PNPLA7: variants seen among roughly 807,000 people sequenced by gnomAD.
PNPLA7 encodes the protein patatin like domain 7, lysophospholipase.
In PNPLA7, 153 loss-of-function variants were observed where a neutral mutation model predicts 161.7. That is an observed-to-expected ratio of 0.95 (90% CI 0.83 to 1.08). The LOEUF is 1.08. PNPLA7 is among the 50% of genes least tolerant of loss of function. The pLI is 0.00. For missense variants in PNPLA7, 1,739 were observed against 1,856.6 expected (o/e 0.94, Z 1.16); for synonymous variants, 809 against 782.1 (o/e 1.03, Z -0.57).
chr9:137,497,219 C>A lies in PNPLA7; in HGVS notation c.1981G>T (p.Gly661Trp), dbSNP rs757012971. 6 of 1,586,850 alleles carry A rather than the reference C, an allele frequency of 3.8e-6. No individual in the cohort carries two copies. In the African/African-American group the frequency reaches 4.1e-5, roughly 11 times the overall value. ...ACGAGGTCTCCTCGGCCGTACTCCCCGGCCAGGCGCTTCTTCCCATCATCC... is the reference window on the plus strand; with the variant it reads ...ACGAGGTCTCCTCGGCCGTACTCCCAGGCCAGGCGCTTCTTCCCATCATCC... ...RKDDGKKRLA[G>W]EYGRGDLVGV... The change falls in exon 18 of 35, where the codon GGG (glycine) becomes TGG (tryptophan). Residue 661 changes from glycine (G) to tryptophan (W), a missense_variant. Transcript: ENST00000406427.
chr9:137,519,992 C>A lies in PNPLA7; in HGVS notation c.1009G>T (p.Ala337Ser). Residue 337 changes from alanine (A) to serine (S), a missense_variant, in exon 11 of 35, where the codon GCC becomes TCC. This residue lies in a region of PNPLA7 where 152 missense variants were observed against 193.5 expected (regional missense o/e 0.79). Coordinates refer to ENST00000406427, the MANE Select transcript of PNPLA7 (RefSeq NM_001098537.3). ...TCGCCATAGAACACCTGCTTCTTGG[C>A]CTTCCCGGCAGCCACACTGGCTACA... ...VSVASVAAGK[A>S]KKQVFYGEEE... 6.2e-7 allele frequency: 1 copy of A among 1,612,808 alleles called. No homozygotes were observed. Among genetic ancestry groups the A allele is most frequent in the Non-Finnish European group, 8.5e-7 (1 of 1,179,900 alleles).
intron 8 of PNPLA7, among the ~76,000 whole-genome samples, chr9:137,525,613 C>T (rs1469834863): frequency 6.6e-6 from 1 of 152,066 alleles, no homozygotes; most frequent in Non-Finnish European, 1.5e-5. Context: ...TTAATACTTT[C>T]ACTAATTCTG....
intron 6 of PNPLA7, 27 bp from the exon 7 acceptor site, chr9:137,542,828 A>T (rs777563315): frequency 6.3e-7 from 1 of 1,594,516 alleles, no homozygotes; most frequent in East Asian, 2.3e-5. Flanking sequence ...GCACTGTGGG[A>T]CGCCCTTCCA....
Position 137,467,367 on chromosome 9 carries a change from C to T in PNPLA7, c.2989G>A (p.Glu997Lys). Residue 997 changes from glutamate (E) to lysine (K), a missense_variant, in exon 26 of 35, where the codon GAG becomes AAG. Glu to Lys is a moderately conservative substitution (Grantham distance 56). Coordinates refer to ENST00000406427, the MANE Select transcript of PNPLA7 (RefSeq NM_001098537.3). This position sits in a 1 kb window ranked among gnomAD's most constrained non-coding sequence, Gnocchi z 5.1. ...IGAFVGALYSEERNYSQMRIR... is the reference protein window; with the variant it reads ...IGAFVGALYSKERNYSQMRIR... The stretch of plus-strand genomic sequence containing the variant: ...CGCATCTGGCTGTAGTTCCGCTCCT[C>T]AGAGTACAGGGCACCCACGAAGGCC... 1 of 1,613,654 alleles carries T rather than the reference C, an allele frequency of 6.2e-7. No homozygotes were observed. Among genetic ancestry groups the T allele is most frequent in the Non-Finnish European group, 8.5e-7 (1 of 1,179,998 alleles).
Position 137,479,746 on chromosome 9 carries a change from C to A in PNPLA7, c.2581-508G>T, listed in dbSNP as rs532611668. ...CTGGGTGGCCATGAGCCCGAGGCCT[C>A]GCCTGCAGCAATGGCCAGGTGGAAG... is the stretch of plus-strand genomic sequence containing the variant. On this transcript the variant is annotated intron_variant, in intron 23 of 34. Transcript: ENST00000406427. 9.1e-5 allele frequency: 90 copies of A among 985,394 alleles called. No homozygotes were observed. The African/African-American group carries it at 1.5e-3, about 17-fold the overall frequency. The allele number at this position is 985,394 out of a possible 1,614,324, so 61.0% of individuals were successfully genotyped here. A position where few individuals can be genotyped will look rare whatever the true frequency, so the allele number is the denominator to read the frequency against.
Position 137,500,309 on chromosome 9 carries a change from GGTGGGAC to G in PNPLA7, c.1757+375_1757+381del, listed in dbSNP as rs1229477113. Among the ~76,000 whole-genome samples, 1,112 of 152,366 alleles carry G rather than the reference GGTGGGAC, an allele frequency of 7.3e-3. 8 individuals are homozygous for G. The highest frequency in any genetic ancestry group is 0.026 in the African/African-American group (1,064 of 41,584). Reference sequence around the variant, plus strand: ...CCGACACGTCAGCCCAGGCTGCAGAGGTGGGACGGCTCACGGCCCCTGAAGCCCGGCC... The same window carrying G: ...CCGACACGTCAGCCCAGGCTGCAGAGGGCTCACGGCCCCTGAAGCCCGGCC... On this transcript the variant is annotated intron_variant, in intron 16 of 34. Coordinates refer to ENST00000406427, the MANE Select transcript of PNPLA7 (RefSeq NM_001098537.3). The surrounding 1 kb of genome is among the most constrained non-coding windows in gnomAD (Gnocchi z 5.5).
rs910178801 is a variant in PNPLA7, at chr9:137,520,998, G to C, written c.957+638C>G. 1.5e-4 allele frequency among the ~76,000 whole-genome samples: 22 copies of C among 150,752 alleles called. No homozygotes were observed. The highest frequency in any genetic ancestry group is 2.8e-4 in the Non-Finnish European group (19 of 67,672). On this transcript the variant is annotated intron_variant, in intron 10 of 34. Transcript: ENST00000406427. This position sits in a 1 kb window ranked among gnomAD's most constrained non-coding sequence, Gnocchi z 5.2. The stretch of plus-strand genomic sequence containing the variant: ...GGCATGGGGAGAGGCAGCCTCTGCT[G>C]GATTCGGCTGTAGGGACCCCATGGG...
intron 14 of PNPLA7, among the ~76,000 whole-genome samples, 192 bp downstream of exon 14, chr9:137,505,422 T>A (rs1180682281): frequency 6.6e-6 from 1 of 152,204 alleles, no homozygotes; most frequent in Non-Finnish European, 1.5e-5. Context: ...GCTTTGAGTT[T>A]GAACATAAGG....
chr9:137,501,533 C>G, intron 15 of PNPLA7, 117 bp downstream of exon 15: 1 of 989,244 alleles, frequency 1.0e-6, no homozygotes, highest in Non-Finnish European at 1.5e-6. Flanking sequence ...GGCAGTGGCC[C>G]GGTGCTGGGA....
chr9:137,512,806 A>C (rs1834309260), intron 12 of PNPLA7, among the ~76,000 whole-genome samples: 1 of 136,478 alleles, frequency 7.3e-6, no homozygotes, highest in Admixed American at 7.3e-5. Flanking sequence ...AAGAAAATAC[A>C]AAAAAAAAAA....
chr9:137,540,579 G>T lies in PNPLA7; in HGVS notation c.747+63C>A. ...CACTACCAGCTGTCCAGACAAGACAGAAAAACCAGGCCTCCGGGGCCAACC... is the reference window on the plus strand; with the variant it reads ...CACTACCAGCTGTCCAGACAAGACATAAAAACCAGGCCTCCGGGGCCAACC... On this transcript the variant is annotated intron_variant, in intron 8 of 34. Transcript: ENST00000406427. This position sits in a 1 kb window ranked among gnomAD's most constrained non-coding sequence, Gnocchi z 5.1. 7.0e-7 allele frequency: 1 copy of T among 1,432,216 alleles called. No individual in the cohort carries two copies. 88.7% of individuals were successfully genotyped at this position (1,432,216 alleles called of 1,614,324 possible).
In PNPLA7 at chr9:137,500,951, G is replaced by C. The variant is rs1833374376; in HGVS notation, c.1552-55C>G. 1.3e-6 allele frequency: 2 copies of C among 1,486,588 alleles called. No homozygotes were observed. The highest frequency in any genetic ancestry group is 2.8e-5 in the African/African-American group (2 of 72,050). 92.1% of individuals were successfully genotyped at this position (1,486,588 alleles called of 1,614,324 possible). A position where few individuals can be genotyped will look rare whatever the true frequency, so the allele number is the denominator to read the frequency against. On this transcript the variant is annotated intron_variant, in intron 15 of 34. Coordinates refer to ENST00000406427, the MANE Select transcript of PNPLA7 (RefSeq NM_001098537.3). The surrounding 1 kb of genome is among the most constrained non-coding windows in gnomAD (Gnocchi z 5.5). ...GCGAGTGGCCGCGGGCAGGACGGGG[G>C]CAGCTCTGGGCCCAGAGCGGACGAT...
chr9:137,535,274 C>T (rs73569735), intron 8 of PNPLA7, among the ~76,000 whole-genome samples: 2,853 of 152,170 alleles, frequency 0.019, 106 homozygotes, highest in African/African-American at 0.064. Context: ...TTCATTCACA[C>T]ATAAAGTGAC....
At position 137,541,695 on chromosome 9, in the gene PNPLA7, C is replaced by T. The variant is rs919396206; in HGVS notation, c.666+947G>A. The stretch of plus-strand genomic sequence containing the variant: ...CCAAAGAGGCCACGGCAGGGTCTGG[C>T]CCAGCACCCACCCCCGAGCAGCGAT... On this transcript the variant is annotated intron_variant, in intron 7 of 34. Transcript: ENST00000406427. This position sits in a 1 kb window ranked among gnomAD's most constrained non-coding sequence, Gnocchi z 4.4. Among the ~76,000 whole-genome samples the T allele has an allele frequency of 6.6e-6, 1 of 152,216 alleles. No homozygotes were observed. Among genetic ancestry groups the T allele is most frequent in the Non-Finnish European group, 1.5e-5 (1 of 68,034 alleles).
Position 137,478,136 on chromosome 9 carries a change from T to G in PNPLA7, c.2780A>C (p.His927Pro). The change falls in exon 25 of 35, where the codon CAT becomes CCT. Residue 927 changes from histidine to proline, a missense_variant. By Grantham distance (77) the His-to-Pro change is moderately conservative (BLOSUM62 -2). Coordinates refer to ENST00000406427, the MANE Select transcript of PNPLA7 (RefSeq NM_001098537.3). ...TCGGTCCGGGGGCCGCTGGAAGACA[T>G]GCTTGTACATCTCCACCTGGGGGAG... ...SLPKLVEMYKHVFQRPPDRHS... is the reference protein window; with the variant it reads ...SLPKLVEMYKPVFQRPPDRHS... The G allele has an allele frequency of 7.5e-7, 1 of 1,338,268 alleles. No homozygotes were observed. The highest frequency in any genetic ancestry group is 9.7e-7 in the Non-Finnish European group (1 of 1,036,080). 82.9% of individuals were successfully genotyped at this position (1,338,268 alleles called of 1,614,324 possible).
At chr9:137,475,375 GT>G (rs1237399807) in intron 25 of PNPLA7, among the ~76,000 whole-genome samples, 1 of 152,126 alleles carries the variant, frequency 6.6e-6, no homozygotes, top group Non-Finnish European at 1.5e-5. Flanking sequence ...ACCTTGTTTT[GT>G]TTTTTGTTTT....
At chr9:137,531,245 G>A (rs1835567722) in intron 8 of PNPLA7, among the ~76,000 whole-genome samples, 1 of 152,150 alleles carries the variant, frequency 6.6e-6, no homozygotes, top group Non-Finnish European at 1.5e-5. Context: ...CGCATCAGCT[G>A]GGCAAGTCTC....
At chr9:137,521,220 G>A (rs1490931339) in intron 10 of PNPLA7, among the ~76,000 whole-genome samples, 1 of 152,202 alleles carries the variant, frequency 6.6e-6, no homozygotes, top group Non-Finnish European at 1.5e-5. Flanking sequence ...GAGCGTGTGT[G>A]TGGCTGCCGA....
At chr9:137,504,608 T>G (rs1833812280) in intron 14 of PNPLA7, among the ~76,000 whole-genome samples, 1 of 152,176 alleles carries the variant, frequency 6.6e-6, no homozygotes, top group Admixed American at 6.5e-5. Context: ...GAACCACTCA[T>G]GACACAGTCA....
Sources: gnomAD v4.1 joint callset for allele counts (sites outside exome capture counted in the v4.1 genomes callset) on GRCh38, gnomAD v4.1.1 for gene constraint, gnomAD v4.1.1 regional missense constraint, Gnocchi (gnomAD v3.1) non-coding constraint, MANE v1.5 for transcripts, NCBI Gene and HGNC (gene_info 2026-07-23, HGNC 2026-07-21) for gene names.